Variants in NDST4 observed in about 807,000 individuals in gnomAD.
NDST4 encodes N-heparan sulfate sulfotransferase 4.
A neutral mutation model predicts 100.8 loss-of-function variants in NDST4; 63 were observed. The ratio of observed to expected loss-of-function variants is 0.62; its 90% CI spans 0.51 to 0.77. The LOEUF (loss-of-function observed/expected upper bound fraction) is 0.77, where lower values mean the gene tolerates loss of function less well. Among genes scored for constraint, NDST4 ranks in the 30% least tolerant of loss-of-function variants. The pLI is 0.00. For synonymous variants in NDST4, 377 were observed against 361.8 expected (o/e 1.04, Z -0.48); for missense variants, 943 against 1,018.4 (o/e 0.93, Z 1.01).
At chr4:115,020,109 G>A (rs563393051) in intron 2 of NDST4, among the ~76,000 whole-genome samples, 1 of 152,182 alleles carries the variant, frequency 6.6e-6, no homozygotes, top group African/African-American at 2.4e-5. Context: ...AAAAAAGCCT[G>A]GATTGCCATT....
chr4:114,944,823 G>A (rs1725825344), intron 4 of NDST4, among the ~76,000 whole-genome samples: 1 of 152,138 alleles, frequency 6.6e-6, no homozygotes, highest in South Asian at 2.1e-4. Flanking sequence ...TAGAAGAAAC[G>A]ATAGGTGAGC....
intron 1 of NDST4, among the ~76,000 whole-genome samples, chr4:115,111,928 C>T (rs1729961319): frequency 6.6e-6 from 1 of 151,786 alleles, no homozygotes; most frequent in African/African-American, 2.4e-5. Flanking sequence ...AAAATGTCAA[C>T]AATAGTAGGC....
At chr4:114,986,793 C>CATATGTAT (rs1218840726) in intron 2 of NDST4, among the ~76,000 whole-genome samples, 33 of 91,134 alleles carry the variant, frequency 3.6e-4, no homozygotes, top group African/African-American at 1.4e-3. Context: ...TCCAATTATA[C>CATATGTAT]ATATATATAT....
chr4:114,975,421 A>T (rs928537612), intron 3 of NDST4, among the ~76,000 whole-genome samples: 4 of 152,154 alleles, frequency 2.6e-5, no homozygotes, highest in Admixed American at 6.6e-5. Context: ...TTTCAACACA[A>T]AGAGTCAATA....
At chr4:114,933,393 AC>A (rs1725553714) in intron 6 of NDST4, among the ~76,000 whole-genome samples, 1 of 144,530 alleles carries the variant, frequency 6.9e-6, no homozygotes, top group East Asian at 2.4e-4. Flanking sequence ...TAGGGAAAAA[AC>A]TTTTTGACAT....
chr4:115,100,013 C>T (rs1392874133), intron 1 of NDST4, among the ~76,000 whole-genome samples: 3 of 151,966 alleles, frequency 2.0e-5, no homozygotes, highest in Non-Finnish European at 4.4e-5. Context: ...CACAGAAATA[C>T]ATGGATGAAC....
rs529775961 is a variant in NDST4, at chr4:115,056,970, AT to A, written c.978+19088del. On this transcript the variant is annotated intron_variant, in intron 2 of 13. Coordinates refer to ENST00000264363, the MANE Select transcript of NDST4 (RefSeq NM_022569.3). The stretch of plus-strand genomic sequence containing the variant: ...AGAAAAAGGACCATTATTTTGGGTA[AT>A]TTTTTTTCACTTTGTTGGATTTTTT... 3.5e-3 allele frequency among the ~76,000 whole-genome samples: 539 copies of A among 151,992 alleles called. 3 individuals are homozygous for A. The highest frequency in any genetic ancestry group is 0.012 in the African/African-American group (510 of 41,492).
chr4:115,049,776 G>A (rs946741069), intron 2 of NDST4, among the ~76,000 whole-genome samples: 1 of 152,064 alleles, frequency 6.6e-6, no homozygotes, highest in African/African-American at 2.4e-5. Flanking sequence ...TGGGGTATTG[G>A]AGAGAAAATA....
intron 6 of NDST4, among the ~76,000 whole-genome samples, chr4:114,876,406 C>A (rs1226982675): frequency 1.3e-5 from 2 of 152,076 alleles, no homozygotes; most frequent in Non-Finnish European, 2.9e-5. Context: ...TGGCATTGTA[C>A]TCACATTTTT....
At chr4:115,029,703 G>T (rs1430772593) in intron 2 of NDST4, among the ~76,000 whole-genome samples, 1 of 152,082 alleles carries the variant, frequency 6.6e-6, no homozygotes, top group Non-Finnish European at 1.5e-5. Context: ...TGCCCATGGT[G>T]GTAAAGGAGT....
chr4:114,988,255 G>A (rs1726954982), intron 2 of NDST4, among the ~76,000 whole-genome samples: 1 of 150,194 alleles, frequency 6.7e-6, no homozygotes. Flanking sequence ...AATGAAATGT[G>A]GATTAATTCA....
At chr4:115,019,942 T>C (rs1160080854) in intron 2 of NDST4, among the ~76,000 whole-genome samples, 1 of 152,028 alleles carries the variant, frequency 6.6e-6, no homozygotes, top group Non-Finnish European at 1.5e-5. Flanking sequence ...TATTACAAAT[T>C]AGCCAGTCTG....
intron 6 of NDST4, among the ~76,000 whole-genome samples, chr4:114,930,940 A>G (rs1357750946): frequency 1.3e-5 from 2 of 152,080 alleles, no homozygotes; most frequent in Non-Finnish European, 2.9e-5. Flanking sequence ...CCAAAAAAAA[A>G]TTAGCAAATA....
At chr4:115,028,012 G>T (rs1334639131) in intron 2 of NDST4, among the ~76,000 whole-genome samples, 1 of 151,194 alleles carries the variant, frequency 6.6e-6, no homozygotes, top group East Asian at 2.0e-4. Flanking sequence ...GAGATTCACC[G>T]ATTCACCATT....
intron 6 of NDST4, among the ~76,000 whole-genome samples, chr4:114,931,657 G>T (rs1725516741): frequency 1.3e-5 from 2 of 151,676 alleles, no homozygotes; most frequent in Admixed American, 6.6e-5. Flanking sequence ...TGAGAAAGAG[G>T]AGATAGACAA....
chr4:114,856,390 T>A (rs1041863913), intron 7 of NDST4, among the ~76,000 whole-genome samples: 1 of 152,162 alleles, frequency 6.6e-6, no homozygotes, highest in African/African-American at 2.4e-5. Flanking sequence ...CTAATTTTTT[T>A]AATATGAAAA....
intron 1 of NDST4, among the ~76,000 whole-genome samples, chr4:115,105,348 AAAAC>A (rs1729813880): frequency 2.0e-5 from 3 of 152,138 alleles, no homozygotes; most frequent in Non-Finnish European, 2.9e-5. Context: ...TTTACAATAA[AAAAC>A]AAACTTTCAC....
intron 2 of NDST4, among the ~76,000 whole-genome samples, chr4:115,021,195 T>G (rs1430466952): frequency 6.7e-6 from 1 of 150,136 alleles, no homozygotes; most frequent in East Asian, 1.9e-4. Flanking sequence ...AAAGAAACTG[T>G]GGTATATATA....
intron 7 of NDST4, among the ~76,000 whole-genome samples, chr4:114,867,360 G>A (rs1283536437): frequency 2.0e-5 from 3 of 152,116 alleles, no homozygotes; most frequent in East Asian, 3.9e-4. Context: ...AACCACCTAA[G>A]GTTAGTGCTC....
Sources: gnomAD v4.1 joint callset for allele counts (sites outside exome capture counted in the v4.1 genomes callset) on GRCh38, gnomAD v4.1.1 for gene constraint, MANE v1.5 for transcripts, NCBI Gene and HGNC (gene_info 2026-07-23, HGNC 2026-07-21) for gene names.